The following SLC4A7 variants were observed in gnomAD, a reference collection of about 807,000 sequenced individuals.
SLC4A7 encodes solute carrier family 4 member 7.
SLC4A7 carries 51 observed loss-of-function variants against 137.6 expected under a neutral mutation model. That is an observed-to-expected ratio of 0.37 (90% confidence interval 0.30 to 0.47). SLC4A7 has a LOEUF of 0.47. Among genes scored for constraint, SLC4A7 ranks in the 20% least tolerant of loss-of-function variants. The pLI is 1.00. For synonymous variants in SLC4A7, 542 were observed against 518.6 expected (o/e 1.05, Z -0.61); for missense variants, 1,247 against 1,525.4 (o/e 0.82, Z 3.04).
At position 27,397,664 on chromosome 3, in the gene SLC4A7, C is replaced by A; in HGVS notation, c.2703+20G>T. On this transcript the variant is annotated intron_variant, in intron 18 of 25. Transcript: ENST00000454389. ...TGTGGTATTCCCAAGTAACAAATAGCCACTTGTTTTAATCCTTACCTCAAA... is the reference window on the plus strand; with the variant it reads ...TGTGGTATTCCCAAGTAACAAATAGACACTTGTTTTAATCCTTACCTCAAA... 2.5e-5 allele frequency: 30 copies of A among 1,179,972 alleles called. No homozygotes were observed. Among genetic ancestry groups the A allele is most frequent in the Non-Finnish European group, 3.8e-5 (30 of 789,750 alleles). The allele number at this position is 1,179,972 out of a possible 1,614,324, so 73.1% of individuals were successfully genotyped here.
intron 3 of SLC4A7, among the ~76,000 whole-genome samples, chr3:27,439,635 A>C (rs934624749): frequency 1.3e-5 from 2 of 152,190 alleles, no homozygotes; most frequent in African/African-American, 4.8e-5. Context: ...TAGATTGCTT[A>C]GGATTTGCTA....
At chr3:27,473,998 AATTT>A (rs1284962604) in intron 1 of SLC4A7, among the ~76,000 whole-genome samples, 2 of 152,318 alleles carry the variant, frequency 1.3e-5, no homozygotes, top group Admixed American at 6.5e-5. Context: ...TATAAAGTAT[AATTT>A]ATTATCGTCC....
At chr3:27,443,772 G>A (rs749473137) in intron 3 of SLC4A7, among the ~76,000 whole-genome samples, 40 of 152,134 alleles carry the variant, frequency 2.6e-4, no homozygotes, top group African/African-American at 8.4e-4. Context: ...GCAAAAATCT[G>A]TCTTGGTTAC....
intron 1 of SLC4A7, among the ~76,000 whole-genome samples, chr3:27,470,273 G>T (rs2059182421): frequency 6.7e-6 from 1 of 149,218 alleles, no homozygotes; most frequent in African/African-American, 2.5e-5. Flanking sequence ...CAGTTGATTT[G>T]AGTTTGAAAT....
rs186064621 is a variant in SLC4A7 at position 27,375,627 on chromosome 3, G to C, written c.*1137C>G. ...TTTAAGATAATAAACATAAATGAAA[G>C]TAAGCACCAACTATTTACATTAACA... On this transcript the variant is annotated 3_prime_UTR_variant, in exon 26 of 26. Coordinates refer to ENST00000454389, the MANE Select transcript of SLC4A7 (RefSeq NM_001321103.2). The C allele has an allele frequency of 1.1e-3, 169 of 151,774 alleles. No individual in the cohort carries two copies. Among genetic ancestry groups the C allele is most frequent in the Admixed American group, 3.5e-3 (53 of 15,244 alleles). 9.4% of individuals were successfully genotyped at this position (151,774 alleles called of 1,614,324 possible). A position where few individuals can be genotyped will look rare whatever the true frequency, so the allele number is the denominator to read the frequency against.
At chr3:27,388,487 CA>C (rs2051201138) in intron 22 of SLC4A7, among the ~76,000 whole-genome samples, 1 of 152,248 alleles carries the variant, frequency 6.6e-6, no homozygotes, top group Non-Finnish European at 1.5e-5. Flanking sequence ...ACTTTAAGGA[CA>C]GGTCTTTAAC....
chr3:27,386,164 G>T, intron 22 of SLC4A7, 141 bp from the exon 23 acceptor site: 1 of 499,618 alleles, frequency 2.0e-6, no homozygotes, highest in Non-Finnish European at 3.4e-6. Flanking sequence ...TGTTTCAAAG[G>T]AATTGAGTCA....
rs373131094 is a variant in SLC4A7, at chr3:27,430,809, G to C, written c.1150+489C>G. On this transcript the variant is annotated intron_variant, in intron 7 of 25. Coordinates refer to ENST00000454389, the MANE Select transcript of SLC4A7 (RefSeq NM_001321103.2). ...ATCACACCACTGCACTCCAGCCTGG[G>C]CAACAGAGTGAGACTCGGTCTAATA... 2.7e-3 allele frequency among the ~76,000 whole-genome samples: 417 copies of C among 152,166 alleles called. 2 individuals are homozygous for C. Among genetic ancestry groups the C allele is most frequent in the Middle Eastern group, 0.014 (4 of 294 alleles).
At chr3:27,392,491 G>A (rs550190220) in intron 20 of SLC4A7, among the ~76,000 whole-genome samples, 3 of 152,236 alleles carry the variant, frequency 2.0e-5, no homozygotes, top group South Asian at 2.1e-4. Flanking sequence ...ACAACCTAGC[G>A]TGTCTTTCTA....
chr3:27,447,640 C>CT (rs71087609), intron 3 of SLC4A7, among the ~76,000 whole-genome samples: 13,049 of 98,306 alleles, frequency 0.13, 599 homozygotes, highest in African/African-American at 0.17. Flanking sequence ...TTTTACAGCC[C>CT]TTTTTTTTTT....
intron 24 of SLC4A7, among the ~76,000 whole-genome samples, chr3:27,380,887 C>G (rs55981547): frequency 0.14 from 21,537 of 152,126 alleles, 1,565 homozygotes; most frequent in African/African-American, 0.2. Context: ...AAAGGAATTC[C>G]TGATAAACCT....
intron 21 of SLC4A7, 184 bp from the exon 22 acceptor site, chr3:27,390,288 G>GT: frequency 9.2e-6 from 3 of 324,326 alleles, no homozygotes; most frequent in South Asian, 5.8e-5. Flanking sequence ...GTGGGGGAGG[G>GT]TGGCAGGTGG....
chr3:27,437,394 G>T lies in SLC4A7; in HGVS notation c.422C>A (p.Thr141Asn). Residue 141 changes from threonine (T) to asparagine (N), a missense_variant, in exon 4 of 26, where the codon ACT (threonine) becomes AAT (asparagine). Coordinates refer to ENST00000454389, the MANE Select transcript of SLC4A7 (RefSeq NM_001321103.2). ...RDGEEYEWKE[T>N]ARWLKFEEDV... ...AGAGACTTAGCAGTATTACCTAGCA[G>T]TTTCTTTCCATTCATATTCTTCTCC... 1 of 1,572,894 alleles carries T rather than the reference G, an allele frequency of 6.4e-7. No homozygotes were observed. Among genetic ancestry groups the T allele is most frequent in the Non-Finnish European group, 8.6e-7 (1 of 1,163,634 alleles).
chr3:27,390,176 C>A, intron 21 of SLC4A7, 72 bp from the exon 22 acceptor site: 1 of 767,098 alleles, frequency 1.3e-6, no homozygotes, highest in South Asian at 1.8e-5. Context: ...AATCTATACT[C>A]AACTTTAGGA....
intron 4 of SLC4A7, 135 bp downstream of exon 4, chr3:27,437,253 A>G: frequency 2.2e-6 from 1 of 445,604 alleles, no homozygotes; most frequent in East Asian, 3.8e-5. Context: ...CGGGAGGCTG[A>G]GACAGGAAAA....
At chr3:27,456,751 T>G in intron 1 of SLC4A7, 3 of 1,589,966 alleles carry the variant, frequency 1.9e-6, no homozygotes, top group South Asian at 2.3e-5. Context: ...CCAGGGACAG[T>G]GAGCACATAT....
At chr3:27,476,881 T>C (rs980410950) in intron 1 of SLC4A7, among the ~76,000 whole-genome samples, 5 of 152,156 alleles carry the variant, frequency 3.3e-5, no homozygotes, top group Admixed American at 1.3e-4. Flanking sequence ...CATCCTAACA[T>C]TCATCCATTG....
At chr3:27,438,008 C>A (rs2056874698) in intron 3 of SLC4A7, among the ~76,000 whole-genome samples, 1 of 152,058 alleles carries the variant, frequency 6.6e-6, no homozygotes, top group Non-Finnish European at 1.5e-5. Context: ...ACCAGCCTAG[C>A]CAACATGGTG....
intron 18 of SLC4A7, among the ~76,000 whole-genome samples, chr3:27,395,365 A>G (rs1239552349): frequency 6.6e-6 from 1 of 152,162 alleles, no homozygotes; most frequent in Non-Finnish European, 1.5e-5. Flanking sequence ...CCCCCCTGAA[A>G]CCAGGATGAC....
Sources: gnomAD v4.1 joint callset for allele counts (sites outside exome capture counted in the v4.1 genomes callset) on GRCh38, gnomAD v4.1.1 for gene constraint, MANE v1.5 for transcripts, NCBI Gene and HGNC (gene_info 2026-07-23, HGNC 2026-07-21) for gene names.